Variants in FCGR1A observed in about 807,000 individuals in gnomAD.
The protein encoded by FCGR1A is Fc gamma receptor Ia, also known as high affinity immunoglobulin gamma Fc receptor I.
In FCGR1A, 13 loss-of-function variants were observed where a neutral mutation model predicts 35.0. The ratio of observed to expected loss-of-function variants is 0.37; its 90% CI spans 0.24 to 0.59. The LOEUF (loss-of-function observed/expected upper bound fraction) is 0.59. Ranked by LOEUF, FCGR1A falls within the 20% of genes least tolerant of loss-of-function variation. FCGR1A has a pLI of 0.71. For synonymous variants in FCGR1A, 91 were observed against 164.7 expected (o/e 0.55, Z 3.43); for missense variants, 227 against 430.0 (o/e 0.53, Z 4.17).
At position 149,784,176 on chromosome 1, in the gene FCGR1A, A is replaced by G; in HGVS notation, c.226A>G (p.Ser76Gly). The G allele has an allele frequency of 1.2e-6, 2 of 1,611,622 alleles. No individual in the cohort carries two copies. The highest frequency in any genetic ancestry group is 1.7e-5 in the Admixed American group (1 of 59,970). ...STPSYRITSA[S>G]VNDSGEYRCQ... The stretch of plus-strand genomic sequence containing the variant: ...CCCCAGCTACAGAATCACCTCTGCC[A>G]GTGTCAATGACAGTGGTGAATACAG... Residue 76 changes from serine (S) to glycine (G), a missense_variant, in exon 3 of 6, where the codon AGT becomes GGT. Physicochemically the swap from Ser to Gly is moderately conservative, Grantham distance 56. Coordinates refer to ENST00000369168, the MANE Select transcript of FCGR1A (RefSeq NM_000566.4).
downstream of FCGR1A, chr1:149,792,603 C>T (rs1262547844): frequency 3.1e-5 from 37 of 1,208,512 alleles, 1 homozygote; most frequent in Non-Finnish European, 3.7e-5. Flanking sequence ...CCGCGGCGGG[C>T]CCCTGGCGCC....
intron 3 of FCGR1A, chr1:149,787,275 G>A (rs2091577428): frequency 6.6e-6 from 1 of 152,134 alleles, no homozygotes; most frequent in African/African-American, 2.4e-5. Flanking sequence ...AGTTCTGGAG[G>A]GGGAAAAGGC....
chr1:149,796,418 C>T (rs1299680997), downstream of FCGR1A, among the ~76,000 whole-genome samples: 7 of 152,118 alleles, frequency 4.6e-5, no homozygotes, highest in African/African-American at 9.7e-5. Flanking sequence ...GAAGCAATGG[C>T]GTGATATCCA....
chr1:149,784,403 T>C (rs1398126672), intron 3 of FCGR1A, 146 bp downstream of exon 3: 5 of 1,435,660 alleles, frequency 3.5e-6, no homozygotes, highest in Non-Finnish European at 4.8e-6. Flanking sequence ...TAAATCAGTA[T>C]ACTCAAAACA....
chr1:149,800,520 A>AT, the FCGR1A span, among the ~76,000 whole-genome samples: 1 of 143,610 alleles, frequency 7.0e-6, no homozygotes, highest in Middle Eastern at 3.2e-3. Context: ...ATTAATAAAC[A>AT]AAACGACATC....
chr1:149,792,739 G>A (rs1359191610), downstream of FCGR1A: 143 of 1,283,792 alleles, frequency 1.1e-4, 8 homozygotes, highest in Non-Finnish European at 1.3e-4. Flanking sequence ...CCGCGCCCCC[G>A]CCAAAACCCA....
In FCGR1A at chr1:149,790,351, G is replaced by A. The variant is rs1303243101; in HGVS notation, c.844+13G>A. 1 of 1,583,082 alleles carries A rather than the reference G, an allele frequency of 6.3e-7. No individual in the cohort carries two copies. The highest frequency in any genetic ancestry group is 8.6e-7 in the Non-Finnish European group (1 of 1,164,922). On this transcript the variant is annotated intron_variant, in intron 5 of 5. Coordinates refer to ENST00000369168, the MANE Select transcript of FCGR1A (RefSeq NM_000566.4). ...CTTCAAGTGCTTGGTGAGTGAGAAT[G>A]ACGGGAAGCCACTGGCACAGAAGAA...
chr1:149,784,076 C>T lies in FCGR1A; in HGVS notation c.126C>T (p.His42=), dbSNP rs17853068. 6.2e-7 allele frequency: 1 copy of T among 1,611,462 alleles called. No individual in the cohort carries two copies. ...SVFQEETVTL[H]CEVLHLPGSS... is the part of the protein sequence containing the mutation. ...TCCAAGAGGAAACCGTAACCTTGCACTGTGAGGTGCTCCATCTGCCTGGGA... is the reference window on the plus strand; with the variant it reads ...TCCAAGAGGAAACCGTAACCTTGCATTGTGAGGTGCTCCATCTGCCTGGGA... Residue 42 remains histidine, a synonymous_variant, in exon 3 of 6, where the codon CAC becomes CAT. Coordinates refer to ENST00000369168, the MANE Select transcript of FCGR1A (RefSeq NM_000566.4).
At chr1:149,784,767 A>G (rs1419113571) in intron 3 of FCGR1A, among the ~76,000 whole-genome samples, 5 of 150,648 alleles carry the variant, frequency 3.3e-5, no homozygotes, top group Non-Finnish European at 7.4e-5. Context: ...AACACTTTCT[A>G]AGTATTGTCC....
downstream of FCGR1A, chr1:149,794,030 G>T: frequency 1.5e-6 from 1 of 673,178 alleles, no homozygotes. Flanking sequence ...ACAGCTGGCT[G>T]GGAGGGGGCT....
chr1:149,791,600 G>A lies in FCGR1A; in HGVS notation c.*83G>A. 1 of 1,553,122 alleles carries A rather than the reference G, an allele frequency of 6.4e-7. No individual in the cohort carries two copies. The highest frequency in any genetic ancestry group is 8.7e-7 in the Non-Finnish European group (1 of 1,154,568). ...GAGCACTGCGTACAAACATCCAAAA[G>A]TTCAACAACACCAGAACTGTGTGTC... On this transcript the variant is annotated 3_prime_UTR_variant, in exon 6 of 6. Transcript: ENST00000369168.
At chr1:149,794,076 A>G, downstream of FCGR1A, 1 of 530,170 alleles carries the variant, frequency 1.9e-6, no homozygotes, top group South Asian at 1.5e-5. Flanking sequence ...AGTTGGAGAC[A>G]GATTCCTCGG....
chr1:149,783,171 TC>T lies in FCGR1A; in HGVS notation c.35del (p.Pro12GlnfsTer12), dbSNP rs1381290769. ...TCTTTATTCTCTGATCTCTTGCAGT[TC>T]CAGTTGATGGGCAAGTGGGTGAGTG... Reference protein sequence around the residue: ...WFLTTLLLWVPVDGQVDTTKA... With the variant: ...WFLTTLLLWVXVDGQVDTTKA... On this transcript the variant is annotated frameshift_variant and splice_region_variant, in exon 2 of 6. Coordinates refer to ENST00000369168, the MANE Select transcript of FCGR1A (RefSeq NM_000566.4). LOFTEE classifies it high-confidence loss of function. 3 of 394,044 alleles carry T rather than the reference TC, an allele frequency of 7.6e-6. No individual in the cohort carries two copies. The African/African-American group carries it at 2.0e-4, about 26-fold the overall frequency. The allele number at this position is 394,044 out of a possible 1,614,324, so 24.4% of individuals were successfully genotyped here. A position where few individuals can be genotyped will look rare whatever the true frequency, so the allele number is the denominator to read the frequency against.
downstream of FCGR1A, chr1:149,793,054 C>G (rs12565570): frequency 4.8e-6 from 6 of 1,261,494 alleles, no homozygotes; most frequent in African/African-American, 1.6e-5. Context: ...CCCGGCGCGG[C>G]GCCACCTGGC....
intron 5 of FCGR1A, 147 bp from the exon 6 acceptor site, chr1:149,791,090 C>T (rs2091699313): frequency 9.8e-7 from 1 of 1,020,854 alleles, no homozygotes; most frequent in East Asian, 2.7e-5. Flanking sequence ...GAGCTACCGC[C>T]AGTTCCTTCC....
intron 4 of FCGR1A, among the ~76,000 whole-genome samples, chr1:149,789,235 A>C (rs1184350159): frequency 6.6e-6 from 1 of 151,948 alleles, no homozygotes; most frequent in Non-Finnish European, 1.5e-5. Flanking sequence ...AGTCAGGAAC[A>C]AAAATAATGA....
intron 3 of FCGR1A, chr1:149,787,449 T>G (rs1319719357): frequency 6.6e-6 from 1 of 152,280 alleles, no homozygotes; most frequent in Non-Finnish European, 1.5e-5. Context: ...TTGCTAGTGA[T>G]ATCATTGATC....
chr1:149,788,366 G>T lies in FCGR1A; in HGVS notation c.308G>T (p.Gly103Val), dbSNP rs587658060. 202 of 1,612,420 alleles carry T rather than the reference G, an allele frequency of 1.3e-4. No individual in the cohort carries two copies. In the South Asian group the frequency reaches 2.1e-3, roughly 16 times the overall value. ...SDPIQLEIHR[G>V]WLLLQVSSRV... ...TACATTTTGGGTTCATATTTTTCAG[G>T]CTGGCTACTACTGCAGGTCTCCAGC... Residue 103 changes from glycine (G) to valine (V), a missense_variant and splice_region_variant, in exon 4 of 6, where the codon GGC becomes GTC. Gly to Val is a moderately radical substitution (Grantham distance 109, BLOSUM62 -3). This residue lies in a region of FCGR1A where 185 missense variants were observed against 306.6 expected (regional missense o/e 0.60). Transcript: ENST00000369168.
chr1:149,788,259 G>A lies in FCGR1A; in HGVS notation c.308-107G>A, dbSNP rs145378786. ...TAGGCCTGAGATTTGGCAGAGCTCT[G>A]AGGCTGGATGTTGCAAGGAGAAAAA... On this transcript the variant is annotated intron_variant, in intron 3 of 5. Transcript: ENST00000369168. The A allele has an allele frequency of 5.3e-3, 8,534 of 1,608,372 alleles. 352 individuals are homozygous for A. In the African/African-American group the frequency reaches 0.098, roughly 18 times the overall value.
Sources: gnomAD v4.1 joint callset for allele counts (sites outside exome capture counted in the v4.1 genomes callset) on GRCh38, gnomAD v4.1.1 for gene constraint, gnomAD v4.1.1 regional missense constraint, MANE v1.5 for transcripts, NCBI Gene and HGNC (gene_info 2026-07-23, HGNC 2026-07-21) for gene names.